The following MAK variants were observed in gnomAD, a reference collection of about 807,000 sequenced individuals.
The protein encoded by MAK is male germ cell associated kinase.
Under a neutral mutation model 82.6 loss-of-function variants are expected in MAK, and 65 were observed. The observed-to-expected ratio is 0.79, with a 90% confidence interval of 0.64 to 0.97. MAK has a LOEUF of 0.97. MAK is among the 50% of genes least tolerant of loss of function. The probability of loss-of-function intolerance (pLI) is 0.00; values close to 1 mark genes in which losing one functional copy is unlikely to be tolerated. For missense variants in MAK, 703 were observed against 780.2 expected (o/e 0.90, Z 1.18); for synonymous variants, 250 against 274.2 (o/e 0.91, Z 0.87).
chr6:10,783,912 G>A (rs1052739944), intron 11 of MAK, among the ~76,000 whole-genome samples: 10 of 152,186 alleles, frequency 6.6e-5, no homozygotes, highest in African/African-American at 1.7e-4. Flanking sequence ...CCAGCTACTC[G>A]GGAGGCTGAG....
intron 9 of MAK, among the ~76,000 whole-genome samples, chr6:10,792,452 C>T (rs979410705): frequency 3.9e-5 from 6 of 152,208 alleles, no homozygotes; most frequent in Non-Finnish European, 8.8e-5. Flanking sequence ...ATTGTTTAAG[C>T]CACAGTGGTC....
intron 13 of MAK, among the ~76,000 whole-genome samples, chr6:10,771,279 G>GT (rs141954886): frequency 0.015 from 2,220 of 152,210 alleles, 63 homozygotes; most frequent in African/African-American, 0.051. Context: ...AAGAGAACAG[G>GT]TAGAGAGGTG....
At chr6:10,835,691 A>G (rs934963274) in intron 1 of MAK, among the ~76,000 whole-genome samples, 2 of 152,240 alleles carry the variant, frequency 1.3e-5, no homozygotes, top group Non-Finnish European at 2.9e-5. Flanking sequence ...AGTAATGCAG[A>G]CAATTCTGAA....
intron 14 of MAK, among the ~76,000 whole-genome samples, chr6:10,767,638 A>G (rs1211435872): frequency 3.3e-5 from 5 of 151,928 alleles, no homozygotes; most frequent in Non-Finnish European, 5.9e-5. Context: ...AAAATACATA[A>G]ATTAGCTGGG....
intron 10 of MAK, chr6:10,785,042 G>A (rs931041539): frequency 6.6e-5 from 29 of 441,094 alleles, no homozygotes; most frequent in Non-Finnish European, 1.1e-4. Context: ...TCACCCTAGT[G>A]TCAGGCACAG....
At chr6:10,777,931 C>A (rs1773608227) in intron 11 of MAK, among the ~76,000 whole-genome samples, 1 of 152,166 alleles carries the variant, frequency 6.6e-6, no homozygotes, top group African/African-American at 2.4e-5. Flanking sequence ...AGCCACCTCG[C>A]CTGGCCTCAA....
In MAK at chr6:10,784,551, T is replaced by G. The variant is rs763420270; in HGVS notation, c.1338A>C (p.Ser446=). 2.5e-6 allele frequency: 4 copies of G among 1,613,974 alleles called. No homozygotes were observed. The highest frequency in any genetic ancestry group is 3.4e-6 in the Non-Finnish European group (4 of 1,180,008). Residue 446 remains serine, a synonymous_variant, in exon 11 of 15, where the codon TCA becomes TCC. Transcript: ENST00000354489. ...SPFRLPEPVP[S]GSNHSTGENK... ...TTTCCCCTGTCGAGTGGTTGGAGCC[T>G]GAGGGTACTGGCTCTGGAAGCCTTG...
chr6:10,834,785 T>TATA (rs1779046539), intron 1 of MAK, among the ~76,000 whole-genome samples: 1 of 150,752 alleles, frequency 6.6e-6, no homozygotes, highest in African/African-American at 2.5e-5. Context: ...TGAAAATTAT[T>TATA]ATTATTATTA....
At chr6:10,801,861 T>G in intron 8 of MAK, 31 bp downstream of exon 8, 1 of 1,609,114 alleles carries the variant, frequency 6.2e-7, no homozygotes, top group Non-Finnish European at 8.5e-7. Context: ...CCTAAACATT[T>G]TTAAAGGTCT....
intron 8 of MAK, among the ~76,000 whole-genome samples, chr6:10,797,410 CAG>C (rs1315210800): frequency 1.3e-5 from 2 of 152,108 alleles, no homozygotes; most frequent in Non-Finnish European, 2.9e-5. Context: ...ATTATAATGA[CAG>C]GGGTTGGGGG....
chr6:10,812,084 C>T (rs1013907092), intron 5 of MAK, among the ~76,000 whole-genome samples: 7 of 152,076 alleles, frequency 4.6e-5, no homozygotes, highest in African/African-American at 1.2e-4. Context: ...CCTGTAGTCC[C>T]AGCTACTAGG....
chr6:10,777,004 C>CA (rs1185303293), intron 11 of MAK, among the ~76,000 whole-genome samples: 1 of 151,332 alleles, frequency 6.6e-6, no homozygotes, highest in Non-Finnish European at 1.5e-5. Context: ...CCCGAGATCG[C>CA]ACCACTGCAC....
chr6:10,770,912 G>A (rs1772951033), intron 13 of MAK, among the ~76,000 whole-genome samples: 1 of 152,136 alleles, frequency 6.6e-6, no homozygotes, highest in Non-Finnish European at 1.5e-5. Context: ...AGCAGTGGCA[G>A]AGGGTGAAGA....
intron 11 of MAK, among the ~76,000 whole-genome samples, chr6:10,778,806 G>A (rs533741534): frequency 5.9e-5 from 9 of 152,012 alleles, no homozygotes; most frequent in Non-Finnish European, 1.2e-4. Context: ...TGAATGGGAA[G>A]AGAGAAGGAT....
intron 2 of MAK, among the ~76,000 whole-genome samples, chr6:10,824,453 C>T (rs1236274697): frequency 2.0e-5 from 3 of 152,180 alleles, no homozygotes; most frequent in African/African-American, 7.2e-5. Context: ...CCTCATCCAG[C>T]TTGGCCCCAC....
At chr6:10,836,156 A>G (rs1397790004) in intron 1 of MAK, among the ~76,000 whole-genome samples, 2 of 152,152 alleles carry the variant, frequency 1.3e-5, no homozygotes, top group Admixed American at 6.5e-5. Context: ...GAACACGACC[A>G]TTTCCCAGCT....
At chr6:10,769,471 C>T (rs1056183552) in intron 14 of MAK, among the ~76,000 whole-genome samples, 12 of 152,170 alleles carry the variant, frequency 7.9e-5, no homozygotes, top group East Asian at 7.7e-4. Context: ...TTAGGCATAA[C>T]GCTGGAGGGT....
intron 13 of MAK, among the ~76,000 whole-genome samples, chr6:10,772,562 C>T (rs1215476184): frequency 6.6e-6 from 1 of 151,974 alleles, no homozygotes; most frequent in Non-Finnish European, 1.5e-5. Flanking sequence ...CCAGGATGGT[C>T]TCTATCTCTT....
At chr6:10,806,840 G>A (rs991220840) in intron 6 of MAK, among the ~76,000 whole-genome samples, 1 of 151,820 alleles carries the variant, frequency 6.6e-6, no homozygotes, top group Non-Finnish European at 1.5e-5. Context: ...CACATCAGAA[G>A]CCAAGCGGAT....
Sources: gnomAD v4.1 joint callset for allele counts (sites outside exome capture counted in the v4.1 genomes callset) on GRCh38, gnomAD v4.1.1 for gene constraint, MANE v1.5 for transcripts, NCBI Gene and HGNC (gene_info 2026-07-23, HGNC 2026-07-21) for gene names.